Variants in CHMP3 observed in about 807,000 individuals in gnomAD.
The protein encoded by CHMP3 is charged multivesicular body protein 3.
CHMP3 carries 8 observed loss-of-function variants against 27.4 expected under a neutral mutation model. The observed-to-expected ratio is 0.29, with a 90% CI of 0.17 to 0.53. CHMP3 has a LOEUF of 0.53. Ranked by LOEUF, CHMP3 falls within the 20% of genes least tolerant of loss-of-function variation. The probability of loss-of-function intolerance (pLI) is 0.96; values close to 1 mark genes in which losing one functional copy is unlikely to be tolerated. For synonymous variants in CHMP3, 86 were observed against 85.5 expected, an observed-to-expected ratio of 1.01 and a Z score of -0.03; for missense variants, 208 against 271.5, an observed-to-expected ratio of 0.77 and a Z score of 1.64.
intron 1 of CHMP3, among the ~76,000 whole-genome samples, chr2:86,554,229 T>A (rs1677026081): frequency 6.6e-6 from 1 of 152,228 alleles, no homozygotes; most frequent in African/African-American, 2.4e-5. Flanking sequence ...TAAATTTCTA[T>A]TGTTTATAAA....
In CHMP3 at chr2:86,555,975, CCT is replaced by C. The variant is rs1677106068; in HGVS notation, c.45+7327_45+7328del. ...CAGCCTACCACAATGGATATGTTATCCTCTGTTTTTTAACTTAAAATATTAAA... is the reference window on the plus strand; with the variant it reads ...CAGCCTACCACAATGGATATGTTATCCTGTTTTTTAACTTAAAATATTAAA... On this transcript the variant is annotated intron_variant, in intron 1 of 5. Coordinates refer to ENST00000263856, the MANE Select transcript of CHMP3 (RefSeq NM_016079.4). 5.3e-5 allele frequency among the ~76,000 whole-genome samples: 8 copies of C among 152,192 alleles called. 1 individual carries two copies. The highest frequency in any genetic ancestry group is 3.3e-4 in the Admixed American group (5 of 15,284).
chr2:86,524,409 T>G (rs1675623679), intron 3 of CHMP3, among the ~76,000 whole-genome samples: 1 of 152,122 alleles, frequency 6.6e-6, no homozygotes, highest in Non-Finnish European at 1.5e-5. Context: ...AACAAAATAT[T>G]CAATATCAAA....
intron 3 of CHMP3, among the ~76,000 whole-genome samples, chr2:86,525,009 A>G (rs896155086): frequency 3.9e-5 from 6 of 152,220 alleles, no homozygotes; most frequent in Admixed American, 2.0e-4. Flanking sequence ...GAGTGCTATC[A>G]TGCTATATAT....
intron 2 of CHMP3, among the ~76,000 whole-genome samples, chr2:86,531,756 T>A (rs1187750524): frequency 6.6e-6 from 1 of 152,248 alleles, no homozygotes; most frequent in Admixed American, 6.5e-5. Flanking sequence ...GCTACCCTTG[T>A]CAAAAATCAG....
intron 5 of CHMP3, among the ~76,000 whole-genome samples, chr2:86,506,548 A>G (rs1409268951): frequency 1.3e-5 from 2 of 152,118 alleles, no homozygotes; most frequent in African/African-American, 4.8e-5. Context: ...TTTCTATACC[A>G]TCTATCACAA....
At chr2:86,547,673 T>C (rs1676664172) in intron 1 of CHMP3, among the ~76,000 whole-genome samples, 1 of 152,120 alleles carries the variant, frequency 6.6e-6, no homozygotes, top group South Asian at 2.1e-4. Context: ...CTCAAGAAAA[T>C]GTATCAAGCA....
At chr2:86,549,728 A>C (rs1167591790) in intron 1 of CHMP3, among the ~76,000 whole-genome samples, 4 of 132,020 alleles carry the variant, frequency 3.0e-5, no homozygotes, top group African/African-American at 1.2e-4. Flanking sequence ...GGCCGGGCAG[A>C]GGCACCCACT....
chr2:86,508,320 T>C (rs963450707), intron 4 of CHMP3, among the ~76,000 whole-genome samples: 7 of 152,212 alleles, frequency 4.6e-5, no homozygotes, highest in African/African-American at 1.7e-4. Flanking sequence ...GCTTTAACAC[T>C]GGCCCAACCC....
At position 86,503,971 on chromosome 2, in the gene CHMP3, C is replaced by T. The variant is rs541344406; in HGVS notation, c.*1833G>A. On this transcript the variant is annotated 3_prime_UTR_variant, in exon 6 of 6. Coordinates refer to ENST00000263856, the MANE Select transcript of CHMP3 (RefSeq NM_016079.4). The stretch of plus-strand genomic sequence containing the variant: ...AAAAGGGACAGGACCAGAAAAGTAA[C>T]TATTGGGTACTAGGCTTAGTACCTG... 20 of 152,138 alleles carry T rather than the reference C, an allele frequency of 1.3e-4. No individual in the cohort carries two copies. The highest frequency in any genetic ancestry group is 2.4e-4 in the Non-Finnish European group (16 of 68,040). The allele number at this position is 152,138 out of a possible 1,614,324, so 9.4% of individuals were successfully genotyped here.
chr2:86,536,904 T>C (rs1676166993), intron 2 of CHMP3, among the ~76,000 whole-genome samples: 1 of 152,202 alleles, frequency 6.6e-6, no homozygotes, highest in African/African-American at 2.4e-5. Flanking sequence ...TTTTTCTTTT[T>C]TTTCAGTAGA....
chr2:86,548,475 G>A (rs1201332417), intron 1 of CHMP3, among the ~76,000 whole-genome samples: 1 of 152,178 alleles, frequency 6.6e-6, no homozygotes, highest in Non-Finnish European at 1.5e-5. Context: ...AGTTGACACA[G>A]CACATGTTTC....
intron 1 of CHMP3, among the ~76,000 whole-genome samples, chr2:86,551,546 C>T (rs1249622386): frequency 6.6e-6 from 1 of 152,126 alleles, no homozygotes; most frequent in Non-Finnish European, 1.5e-5. Flanking sequence ...TGTGAGCCAC[C>T]ATGCCCGGCC....
chr2:86,543,972 C>T (rs1214742574), intron 1 of CHMP3, among the ~76,000 whole-genome samples: 1 of 152,218 alleles, frequency 6.6e-6, no homozygotes, highest in African/African-American at 2.4e-5. Flanking sequence ...TCCTATCTCC[C>T]CCTCCCCAGT....
At chr2:86,529,994 CT>C (rs999808959) in intron 2 of CHMP3, among the ~76,000 whole-genome samples, 8 of 149,104 alleles carry the variant, frequency 5.4e-5, no homozygotes, top group East Asian at 2.0e-4. Flanking sequence ...ACCCCGAACT[CT>C]TTTTTTTTTA....
At chr2:86,556,870 G>A (rs1248323713) in intron 1 of CHMP3, among the ~76,000 whole-genome samples, 1 of 152,098 alleles carries the variant, frequency 6.6e-6, no homozygotes, top group Non-Finnish European at 1.5e-5. Context: ...TTCATCCGTC[G>A]TTTGGCCAGG....
At chr2:86,507,391 C>A in intron 5 of CHMP3, 88 bp downstream of exon 5, 3 of 1,131,410 alleles carry the variant, frequency 2.7e-6, no homozygotes, top group Non-Finnish European at 4.0e-6. Flanking sequence ...GGAGTTAATG[C>A]CTAAAGAAAA....
chr2:86,507,707 T>C, intron 4 of CHMP3, 114 bp from the exon 5 acceptor site: 1 of 838,220 alleles, frequency 1.2e-6, no homozygotes, highest in Non-Finnish European at 2.0e-6. Flanking sequence ...TTTCAAGAGC[T>C]GACACACGAG....
At chr2:86,548,777 C>T (rs2514216) in intron 1 of CHMP3, among the ~76,000 whole-genome samples, 2,259 of 150,774 alleles carry the variant, frequency 0.015, 64 homozygotes, top group African/African-American at 0.052. Context: ...ACGGGGCAGC[C>T]GGGCAGAGGT....
At chr2:86,523,867 T>A (rs949024398) in intron 3 of CHMP3, among the ~76,000 whole-genome samples, 2 of 152,108 alleles carry the variant, frequency 1.3e-5, no homozygotes, top group African/African-American at 2.4e-5. Context: ...AATGATTTTT[T>A]AAAAAATAAG....
Sources: allele counts gnomAD v4.1 joint callset (sites outside exome capture counted in the v4.1 genomes callset), GRCh38; gene constraint gnomAD v4.1.1; transcripts MANE v1.5; gene names NCBI Gene and HGNC (gene_info 2026-07-23, HGNC 2026-07-21).